Variants in CNGA3 observed in about 807,000 individuals in gnomAD.
The protein encoded by CNGA3 is cyclic nucleotide-gated channel alpha-3.
In CNGA3, 42 loss-of-function variants were observed where a neutral mutation model predicts 46.6. The ratio of observed to expected loss-of-function variants is 0.90; its 90% confidence interval spans 0.70 to 1.17. CNGA3 has a LOEUF of 1.17. Among genes scored for constraint, CNGA3 ranks in the 50% most tolerant of loss-of-function variants. The pLI is 0.00. For synonymous variants in CNGA3, 394 were observed against 369.4 expected (o/e 1.07, Z -0.76); for missense variants, 893 against 890.7 (o/e 1.00, Z -0.03).
At chr2:98,387,435 G>T (rs1250422102) in intron 5 of CNGA3, among the ~76,000 whole-genome samples, 1 of 152,220 alleles carries the variant, frequency 6.6e-6, no homozygotes, top group South Asian at 2.1e-4. Flanking sequence ...GACTCGAGGG[G>T]TTGTCCCTTC....
intron 2 of CNGA3, among the ~76,000 whole-genome samples, chr2:98,371,736 A>G (rs1412469838): frequency 6.6e-6 from 1 of 152,234 alleles, no homozygotes; most frequent in Non-Finnish European, 1.5e-5. Flanking sequence ...ATTTAAAAGA[A>G]CAAAGAACAC....
intron 2 of CNGA3, among the ~76,000 whole-genome samples, chr2:98,372,856 C>T (rs1025582210): frequency 1.3e-5 from 2 of 152,164 alleles, no homozygotes; most frequent in African/African-American, 4.8e-5. Flanking sequence ...TGTCCAAGCC[C>T]TGCTGTTTCA....
chr2:98,393,066 G>A (rs1419822863), intron 7 of CNGA3, among the ~76,000 whole-genome samples: 1 of 152,100 alleles, frequency 6.6e-6, no homozygotes, highest in Non-Finnish European at 1.5e-5. Flanking sequence ...AGGAGTTCCA[G>A]ACTAGCCAGG....
At chr2:98,379,519 C>T (rs75549893) in intron 3 of CNGA3, among the ~76,000 whole-genome samples, 2,390 of 152,228 alleles carry the variant, frequency 0.016, 56 homozygotes, top group African/African-American at 0.055. Flanking sequence ...GCACTGTGGT[C>T]GCAGGTGTTG....
At chr2:98,373,004 C>A (rs1285058890) in intron 2 of CNGA3, among the ~76,000 whole-genome samples, 1 of 152,152 alleles carries the variant, frequency 6.6e-6, no homozygotes, top group Non-Finnish European at 1.5e-5. Flanking sequence ...AGAGTGCTTC[C>A]TTTATGAAAG....
Position 98,362,428 on chromosome 2 carries a change from G to C in CNGA3, c.-37-7511G>C, listed in dbSNP as rs576033973. On this transcript the variant is annotated intron_variant, in intron 1 of 7. Transcript: ENST00000272602. ...ACTCCTGACCTCAGGTGATCCACCT[G>C]CCTCGGCCTCCCAAAGTGCTGGGAT... Among the ~76,000 whole-genome samples, 319 of 151,782 alleles carry C rather than the reference G, an allele frequency of 2.1e-3. 2 individuals carry two copies. The highest frequency in any genetic ancestry group is 7.1e-3 in the African/African-American group (293 of 41,404).
intron 2 of CNGA3, 146 bp downstream of exon 2, chr2:98,370,222 AT>A (rs2104176127): frequency 2.8e-6 from 2 of 711,042 alleles, no homozygotes; most frequent in African/African-American, 1.7e-5. Context: ...TGCCAACTTC[AT>A]TTTTCATCTC....
intron 7 of CNGA3, among the ~76,000 whole-genome samples, chr2:98,393,300 C>T (rs796621059): frequency 2.6e-5 from 4 of 152,284 alleles, no homozygotes; most frequent in African/African-American, 9.6e-5. Context: ...TCACAGTAGC[C>T]GACCTCCGTG....
chr2:98,385,375 C>A (rs575049591), intron 5 of CNGA3, among the ~76,000 whole-genome samples: 22 of 152,292 alleles, frequency 1.4e-4, no homozygotes, highest in Admixed American at 3.3e-4. Context: ...ATTTTAATAA[C>A]CTTTTATTCT....
At chr2:98,387,205 C>T (rs1036223584) in intron 5 of CNGA3, among the ~76,000 whole-genome samples, 21 of 152,326 alleles carry the variant, frequency 1.4e-4, no homozygotes, top group African/African-American at 5.1e-4. Flanking sequence ...GATGAGCCTG[C>T]ATGGTCGTGT....
chr2:98,385,530 C>T (rs746094474), intron 5 of CNGA3, among the ~76,000 whole-genome samples: 2 of 152,160 alleles, frequency 1.3e-5, no homozygotes, highest in Non-Finnish European at 2.9e-5. Flanking sequence ...GACAAATATA[C>T]TTCCAACTTC....
chr2:98,395,797 A>C (rs367999449), intron 7 of CNGA3, 47 bp from the exon 8 acceptor site: 1,047 of 1,557,384 alleles, frequency 6.7e-4, no homozygotes, highest in South Asian at 8.2e-4. Context: ...TATGGTCAAA[A>C]AAAGTCAGCC....
chr2:98,367,189 T>C (rs529145944), intron 1 of CNGA3, among the ~76,000 whole-genome samples: 8 of 143,072 alleles, frequency 5.6e-5, no homozygotes, highest in East Asian at 4.0e-4. Context: ...TTTTTTCTTT[T>C]TTTTTTTTTT....
At chr2:98,360,433 T>C (rs1574362031) in intron 1 of CNGA3, among the ~76,000 whole-genome samples, 1 of 152,184 alleles carries the variant, frequency 6.6e-6, no homozygotes, top group African/African-American at 2.4e-5. Flanking sequence ...TGCCTGGAAA[T>C]GTACAAAGAA....
At chr2:98,376,063 C>T (rs1692394930) in intron 2 of CNGA3, among the ~76,000 whole-genome samples, 1 of 152,112 alleles carries the variant, frequency 6.6e-6, no homozygotes, top group Non-Finnish European at 1.5e-5. Context: ...CATACCAATG[C>T]TTCCAAAACA....
At chr2:98,383,294 A>G in intron 4 of CNGA3, 94 bp from the exon 5 acceptor site, 1 of 1,196,858 alleles carries the variant, frequency 8.4e-7, no homozygotes, top group South Asian at 1.2e-5. Context: ...TGGGATAGGG[A>G]TTGGGGGGTG....
chr2:98,356,857 A>G (rs1045136821), intron 1 of CNGA3, among the ~76,000 whole-genome samples: 1 of 152,190 alleles, frequency 6.6e-6, no homozygotes, highest in Non-Finnish European at 1.5e-5. Flanking sequence ...CCTCCTTTGT[A>G]GTATGTTTGC....
intron 1 of CNGA3, chr2:98,346,849 T>G: frequency 1.2e-5 from 2 of 160,066 alleles, no homozygotes; most frequent in African/African-American, 2.4e-5. Context: ...TTTACTCACG[T>G]CCCACAGCCG....
intron 1 of CNGA3, among the ~76,000 whole-genome samples, chr2:98,356,497 C>T (rs536062954): frequency 2.4e-4 from 36 of 152,274 alleles, no homozygotes; most frequent in African/African-American, 8.7e-4. Context: ...TGTGTCCAGA[C>T]TCGGCACCTC....
Sources: gnomAD v4.1 joint callset for allele counts (sites outside exome capture counted in the v4.1 genomes callset) on GRCh38, gnomAD v4.1.1 for gene constraint, MANE v1.5 for transcripts, NCBI Gene and HGNC (gene_info 2026-07-23, HGNC 2026-07-21) for gene names.